Variants in EYS observed in about 807,000 individuals in gnomAD.
EYS encodes EGF-like photoreceptor maintenance factor, also known as protein eyes shut homolog.
Under a neutral mutation model 282.1 loss-of-function variants are expected in EYS, and 250 were observed. The observed-to-expected ratio is 0.89, with a 90% CI of 0.80 to 0.98. EYS has a LOEUF of 0.98. Among genes scored for constraint, EYS ranks in the 50% least tolerant of loss-of-function variants. EYS has a pLI of 0.00. For missense variants in EYS, 4,016 were observed against 3,709.0 expected (o/e 1.08, Z -2.15); for synonymous variants, 1,355 against 1,282.9 (o/e 1.06, Z -1.20).
intron 39 of EYS, among the ~76,000 whole-genome samples, chr6:63,780,162 G>A: frequency 6.6e-6 from 1 of 152,212 alleles, no homozygotes; most frequent in East Asian, 1.9e-4. Flanking sequence ...GGGCATTTGG[G>A]TTGGTTCCAA....
At chr6:64,447,169 T>C (rs769159090) in intron 26 of EYS, among the ~76,000 whole-genome samples, 8 of 152,152 alleles carry the variant, frequency 5.3e-5, no homozygotes, top group Admixed American at 1.3e-4. Context: ...AGCAACTGTG[T>C]ATTACCCACA....
chr6:64,563,729 C>T (rs1227753649), intron 26 of EYS, among the ~76,000 whole-genome samples: 1 of 151,910 alleles, frequency 6.6e-6, no homozygotes, highest in Admixed American at 6.6e-5. Context: ...AATTGACAGT[C>T]TAATGAAATA....
chr6:65,226,405 T>C (rs533171246), intron 12 of EYS, among the ~76,000 whole-genome samples: 59 of 152,264 alleles, frequency 3.9e-4, no homozygotes, highest in African/African-American at 1.4e-3. Flanking sequence ...AAATACATCC[T>C]GTGCTCATAA....
At chr6:64,467,063 C>T (rs1257134443) in intron 26 of EYS, among the ~76,000 whole-genome samples, 2 of 152,028 alleles carry the variant, frequency 1.3e-5, no homozygotes, top group African/African-American at 4.8e-5. Context: ...AGAATAAAAG[C>T]AATTAATCCA....
intron 30 of EYS, among the ~76,000 whole-genome samples, chr6:64,245,439 CAAAGTACTGGT>C (rs1766981174): frequency 6.7e-6 from 1 of 149,334 alleles, no homozygotes; most frequent in African/African-American, 2.6e-5. Flanking sequence ...CTAAGCCTCC[CAAAGTACTGGT>C]ATTACAGTTG....
intron 2 of EYS, among the ~76,000 whole-genome samples, chr6:65,572,374 C>A (rs1764508134): frequency 6.6e-6 from 1 of 151,946 alleles, no homozygotes; most frequent in Non-Finnish European, 1.5e-5. Flanking sequence ...TAAAAAGGCA[C>A]AGAAGCCAAA....
At chr6:64,067,812 A>G (rs1771430355) in intron 32 of EYS, among the ~76,000 whole-genome samples, 1 of 152,158 alleles carries the variant, frequency 6.6e-6, no homozygotes, top group South Asian at 2.1e-4. Flanking sequence ...GTTATGTTTG[A>G]GAGATAGATT....
intron 8 of EYS, among the ~76,000 whole-genome samples, chr6:65,366,896 C>T (rs1764933666): frequency 6.6e-6 from 1 of 151,576 alleles, no homozygotes; most frequent in Non-Finnish European, 1.5e-5. Flanking sequence ...ACACTCCAAT[C>T]TCTGCTTTGT....
chr6:65,518,583 G>A (rs985744455), intron 2 of EYS, among the ~76,000 whole-genome samples: 3 of 151,982 alleles, frequency 2.0e-5, no homozygotes, highest in African/African-American at 4.8e-5. Flanking sequence ...CAAAATTGTG[G>A]TATCATCTTA....
intron 26 of EYS, among the ~76,000 whole-genome samples, chr6:64,494,022 A>G (rs989694197): frequency 6.6e-6 from 1 of 151,616 alleles, no homozygotes; most frequent in South Asian, 2.1e-4. Flanking sequence ...CATGGCCAAC[A>G]GTATCTTCAC....
intron 13 of EYS, among the ~76,000 whole-genome samples, chr6:65,032,522 C>G (rs1772636581): frequency 6.6e-6 from 1 of 152,142 alleles, no homozygotes; most frequent in Non-Finnish European, 1.5e-5. Context: ...CTGTCTCTTT[C>G]TCTTGCTCCT....
At chr6:64,648,073 T>G (rs1193557597) in intron 22 of EYS, among the ~76,000 whole-genome samples, 1 of 152,204 alleles carries the variant, frequency 6.6e-6, no homozygotes, top group Non-Finnish European at 1.5e-5. Flanking sequence ...ATCATGTATT[T>G]TGCATACAAA....
At chr6:64,514,413 G>A (rs1329871747) in intron 26 of EYS, among the ~76,000 whole-genome samples, 1 of 151,782 alleles carries the variant, frequency 6.6e-6, no homozygotes, top group Non-Finnish European at 1.5e-5. Flanking sequence ...GATCTTAAAA[G>A]AACAAACACT....
In EYS at chr6:65,246,632, T is replaced by A. The variant is rs564041002; in HGVS notation, c.2023+49231A>T. On this transcript the variant is annotated intron_variant, in intron 12 of 42. Coordinates refer to ENST00000503581, the MANE Select transcript of EYS (RefSeq NM_001142800.2). ...TCCTGCCTTTAATATATCCTCCCAT[T>A]TGCTCATATTGCCTTTTCTAAATAC... Among the ~76,000 whole-genome samples the A allele has an allele frequency of 5.8e-4, 89 of 152,224 alleles. 1 individual carries two copies. The highest frequency in any genetic ancestry group is 2.1e-3 in the African/African-American group (88 of 41,574).
At chr6:65,628,253 T>G (rs921076118) in intron 2 of EYS, among the ~76,000 whole-genome samples, 17 of 152,242 alleles carry the variant, frequency 1.1e-4, no homozygotes, top group African/African-American at 3.9e-4. Context: ...GCTGCTCTGG[T>G]GGGGCCTTGG....
In EYS at chr6:64,956,932, G is replaced by T. The variant is rs373445937; in HGVS notation, c.2260-11018C>A. On this transcript the variant is annotated intron_variant, in intron 14 of 42. Transcript: ENST00000503581. ...TCCAAAAGACGCAACAACAAATGCC[G>T]GTGAAGATGTGGAGAAAAGGGAATC... Among the ~76,000 whole-genome samples the T allele has an allele frequency of 2.0e-5, 3 of 152,188 alleles. No individual in the cohort carries two copies. In the East Asian group the frequency reaches 5.8e-4, roughly 30 times the overall value.
intron 22 of EYS, among the ~76,000 whole-genome samples, chr6:64,659,405 T>C (rs552509923): frequency 6.6e-6 from 1 of 151,688 alleles, no homozygotes; most frequent in Non-Finnish European, 1.5e-5. Flanking sequence ...CTGAAGGAAA[T>C]AGAGACACAA....
chr6:64,958,367 G>GTTTT (rs1245062441), intron 14 of EYS, among the ~76,000 whole-genome samples: 2 of 146,292 alleles, frequency 1.4e-5, no homozygotes, highest in Non-Finnish European at 3.0e-5. Context: ...GGGTGACAGA[G>GTTTT]TGAGACTCCA....
At chr6:65,591,255 A>G (rs11967157) in intron 2 of EYS, among the ~76,000 whole-genome samples, 1,638 of 152,034 alleles carry the variant, frequency 0.011, 24 homozygotes, top group African/African-American at 0.025. Flanking sequence ...AGGCTGGAAT[A>G]CAGTGGTGCC....
Sources: gnomAD v4.1 joint callset for allele counts (sites outside exome capture counted in the v4.1 genomes callset) on GRCh38, gnomAD v4.1.1 for gene constraint, MANE v1.5 for transcripts, NCBI Gene and HGNC (gene_info 2026-07-23, HGNC 2026-07-21) for gene names.